The following ZNF423 variants were observed in gnomAD, a reference collection of about 807,000 sequenced individuals.
The protein encoded by ZNF423 is Ebf-associated zinc finger protein.
ZNF423 carries 12 observed loss-of-function variants against 95.8 expected under a neutral mutation model. The observed-to-expected ratio is 0.13, with a 90% CI of 0.08 to 0.20. The LOEUF (loss-of-function observed/expected upper bound fraction) is 0.20, where lower values mean the gene tolerates loss of function less well. Ranked by LOEUF, ZNF423 falls within the 10% of genes least tolerant of loss-of-function variation. ZNF423 has a pLI of 1.00. For missense variants in ZNF423, 1,316 were observed against 1,737.1 expected (o/e 0.76, Z 4.31); for synonymous variants, 749 against 711.9 (o/e 1.05, Z -0.83).
chr16:49,553,461 C>T (rs1969711920), intron 5 of ZNF423, among the ~76,000 whole-genome samples: 3 of 151,768 alleles, frequency 2.0e-5, no homozygotes, highest in African/African-American at 4.8e-5. Flanking sequence ...CTCTTCCTGC[C>T]TCAGCCTCCC....
Position 49,554,761 on chromosome 16 carries a change from T to C in ZNF423, c.3602-29267A>G, listed in dbSNP as rs372211976. On this transcript the variant is annotated intron_variant, in intron 5 of 7. Transcript: ENST00000563137. ...GAAATTTGCAAAATACAAAAACAGA[T>C]AAAGATCGCCCTTAATTCTACCCCT... is the stretch of plus-strand genomic sequence containing the variant. Among the ~76,000 whole-genome samples the C allele has an allele frequency of 5.9e-5, 9 of 152,082 alleles. No homozygotes were observed. In the East Asian group the frequency reaches 1.4e-3, roughly 23 times the overall value.
chr16:49,668,097 C>T (rs1210976530), intron 3 of ZNF423, among the ~76,000 whole-genome samples: 1 of 152,140 alleles, frequency 6.6e-6, no homozygotes, highest in African/African-American at 2.4e-5. Context: ...CTGAAGTTGG[C>T]TTCTGGCTCT....
At chr16:49,501,795 C>T (rs1442564556) in intron 7 of ZNF423, among the ~76,000 whole-genome samples, 1 of 151,966 alleles carries the variant, frequency 6.6e-6, no homozygotes, top group African/African-American at 2.4e-5. Context: ...CCAAATACCA[C>T]ATGTTCTCAC....
intron 1 of ZNF423, among the ~76,000 whole-genome samples, chr16:49,829,807 G>A (rs1044430267): frequency 5.3e-5 from 8 of 152,168 alleles, no homozygotes; most frequent in African/African-American, 9.7e-5. Context: ...GGGCTCCAGT[G>A]GAGAGGAGGA....
intron 5 of ZNF423, among the ~76,000 whole-genome samples, chr16:49,566,917 AG>A (rs1970211723): frequency 6.6e-6 from 1 of 152,116 alleles, no homozygotes; most frequent in African/African-American, 2.4e-5. Context: ...TTCTCTGAGT[AG>A]GGAGAGCCAT....
chr16:49,503,183 G>A (rs1293990288), intron 7 of ZNF423, among the ~76,000 whole-genome samples: 2 of 151,966 alleles, frequency 1.3e-5, no homozygotes, highest in African/African-American at 2.4e-5. Context: ...TCTGCCCCAC[G>A]TTCACCCCAC....
intron 2 of ZNF423, among the ~76,000 whole-genome samples, chr16:49,758,006 A>T (rs1328446610): frequency 6.6e-6 from 1 of 152,092 alleles, no homozygotes. Context: ...TGGCATCTCC[A>T]GCCTCTCATC....
intron 7 of ZNF423, among the ~76,000 whole-genome samples, chr16:49,516,410 C>T (rs977380208): frequency 1.3e-5 from 2 of 152,244 alleles, no homozygotes; most frequent in Non-Finnish European, 2.9e-5. Flanking sequence ...TCACAGGCAG[C>T]GTCTGCTACA....
intron 1 of ZNF423, among the ~76,000 whole-genome samples, chr16:49,797,675 A>G (rs979141471): frequency 9.2e-5 from 14 of 152,236 alleles, no homozygotes; most frequent in African/African-American, 3.1e-4. Context: ...CAGAAAAGCC[A>G]CAATATGACA....
At chr16:49,703,813 GTTGT>G (rs1001237898) in intron 3 of ZNF423, among the ~76,000 whole-genome samples, 15 of 152,334 alleles carry the variant, frequency 9.8e-5, no homozygotes, top group Admixed American at 3.3e-4. Flanking sequence ...GCTGGCAGGG[GTTGT>G]TTATCTCCCA....
intron 5 of ZNF423, among the ~76,000 whole-genome samples, chr16:49,588,596 C>T (rs1483323570): frequency 2.0e-5 from 3 of 152,238 alleles, no homozygotes. Flanking sequence ...ACTATTCCAT[C>T]CTCTACATTC....
At chr16:49,670,055 G>A (rs908529590) in intron 3 of ZNF423, among the ~76,000 whole-genome samples, 19 of 150,932 alleles carry the variant, frequency 1.3e-4, no homozygotes, top group African/African-American at 4.6e-4. Context: ...GCCCCACCAC[G>A]AGAACAGAGG....
intron 3 of ZNF423, among the ~76,000 whole-genome samples, chr16:49,706,206 C>G (rs2143052307): frequency 6.6e-6 from 1 of 152,334 alleles, no homozygotes; most frequent in South Asian, 2.1e-4. Context: ...TGGAGGCTGT[C>G]AGTCCTCAGA....
At chr16:49,494,736 A>C (rs1967092343) in intron 7 of ZNF423, among the ~76,000 whole-genome samples, 1 of 152,194 alleles carries the variant, frequency 6.6e-6, no homozygotes, top group African/African-American at 2.4e-5. Context: ...AAGACTTACC[A>C]GTCGCCCAAC....
chr16:49,655,523 G>T (rs2029867378), intron 3 of ZNF423, among the ~76,000 whole-genome samples: 2 of 152,150 alleles, frequency 1.3e-5, no homozygotes, highest in Admixed American at 1.3e-4. Context: ...AATCAGCATG[G>T]GGTCCCCTTC....
chr16:49,715,826 C>T (rs1457067796), intron 3 of ZNF423, among the ~76,000 whole-genome samples: 1 of 151,770 alleles, frequency 6.6e-6, no homozygotes, highest in African/African-American at 2.4e-5. Context: ...ATTTTTGAGG[C>T]CAGGAGTTCA....
intron 2 of ZNF423, among the ~76,000 whole-genome samples, chr16:49,782,179 C>T (rs1380130725): frequency 2.0e-5 from 3 of 152,260 alleles, no homozygotes; most frequent in Non-Finnish European, 4.4e-5. Flanking sequence ...GGGCACAGAG[C>T]TGATTCCAGA....
At chr16:49,744,324 G>T (rs919566344) in intron 2 of ZNF423, among the ~76,000 whole-genome samples, 6 of 152,322 alleles carry the variant, frequency 3.9e-5, no homozygotes, top group African/African-American at 1.2e-4. Context: ...GCCAGGCAGG[G>T]TGTCCCCATG....
In ZNF423 at chr16:49,746,308, C is replaced by T. The variant is rs997533789; in HGVS notation, c.101-15337G>A. Among the ~76,000 whole-genome samples the T allele has an allele frequency of 2.6e-5, 4 of 152,048 alleles. No homozygotes were observed. The East Asian group carries it at 5.8e-4, about 22-fold the overall frequency. On this transcript the variant is annotated intron_variant, in intron 2 of 7. Coordinates refer to ENST00000563137, the MANE Select transcript of ZNF423 (RefSeq NM_001379286.1). ...AGAGCAGAGCAGCTTCCTGTGAGAG[C>T]GGGTCTCACAGATATCTCAGATCTG... is the stretch of plus-strand genomic sequence containing the variant.
Sources: allele counts gnomAD v4.1 joint callset (sites outside exome capture counted in the v4.1 genomes callset), GRCh38; gene constraint gnomAD v4.1.1; transcripts MANE v1.5; gene names NCBI Gene and HGNC (gene_info 2026-07-23, HGNC 2026-07-21).